Variants in CYRIA observed in about 807,000 individuals in gnomAD.
CYRIA encodes the protein CYFIP related Rac1 interactor A, also known as CYFIP-related Rac1 interactor A.
A neutral mutation model predicts 43.9 loss-of-function variants in CYRIA; 15 were observed. The observed-to-expected ratio is 0.34, with a 90% CI of 0.23 to 0.53. CYRIA has a LOEUF of 0.53. Ranked by LOEUF, CYRIA falls within the 20% of genes least tolerant of loss-of-function variation. The probability of loss-of-function intolerance (pLI) is 0.94; values close to 1 mark genes in which losing one functional copy is unlikely to be tolerated. For missense variants in CYRIA, 236 were observed against 394.2 expected, an observed-to-expected ratio of 0.60 and a Z score of 3.40; for synonymous variants, 117 against 136.0, an observed-to-expected ratio of 0.86 and a Z score of 0.97.
chr2:16,570,050 C>T (rs955259338), intron 3 of CYRIA, among the ~76,000 whole-genome samples: 5 of 151,930 alleles, frequency 3.3e-5, no homozygotes, highest in Admixed American at 6.6e-5. Context: ...AATGAATACA[C>T]GAAGAAATTG....
chr2:16,593,785 T>C (rs1218260191), intron 2 of CYRIA, among the ~76,000 whole-genome samples: 1 of 143,688 alleles, frequency 7.0e-6, no homozygotes, highest in Non-Finnish European at 1.5e-5. Context: ...TGCAGGTTAG[T>C]TACATATGTA....
intron 1 of CYRIA, among the ~76,000 whole-genome samples, chr2:16,648,130 C>T (rs1669870594): frequency 6.6e-6 from 1 of 152,168 alleles, no homozygotes; most frequent in South Asian, 2.1e-4. Flanking sequence ...TAAAGTCACA[C>T]AGCTAGTGAG....
intron 1 of CYRIA, among the ~76,000 whole-genome samples, chr2:16,654,910 C>A (rs184499831): frequency 2.7e-4 from 41 of 152,258 alleles, no homozygotes; most frequent in African/African-American, 8.7e-4. Flanking sequence ...CATTCATATA[C>A]CACAAATAGT....
At chr2:16,570,191 C>T (rs551885923) in intron 3 of CYRIA, among the ~76,000 whole-genome samples, 2 of 152,222 alleles carry the variant, frequency 1.3e-5, no homozygotes, top group African/African-American at 4.8e-5. Context: ...CAAGGTCTGG[C>T]TCTGTCACCC....
chr2:16,665,741 C>CCCGCGCCCCTG (rs978970696), intron 1 of CYRIA, 39 bp downstream of exon 1: 2 of 145,854 alleles, frequency 1.4e-5, no homozygotes, highest in Non-Finnish European at 3.0e-5. Context: ...CAGACCCCCG[C>CCCGCGCCCCTG]CCGCGCCCCT....
intron 11 of CYRIA, among the ~76,000 whole-genome samples, chr2:16,554,273 A>G (rs1353568404): frequency 2.0e-5 from 3 of 152,188 alleles, no homozygotes; most frequent in Non-Finnish European, 4.4e-5. Context: ...TGAATAAGAC[A>G]ACAGGGACCA....
intron 3 of CYRIA, among the ~76,000 whole-genome samples, chr2:16,575,353 G>A (rs1269376163): frequency 1.3e-5 from 2 of 152,134 alleles, no homozygotes; most frequent in African/African-American, 4.8e-5. Flanking sequence ...GGTAAGGCAT[G>A]ACTGATTTTG....
At chr2:16,640,313 G>A (rs1335493337) in intron 1 of CYRIA, among the ~76,000 whole-genome samples, 3 of 152,212 alleles carry the variant, frequency 2.0e-5, no homozygotes, top group Non-Finnish European at 2.9e-5. Flanking sequence ...TGGGATGCTG[G>A]GACTGGCAGC....
intron 3 of CYRIA, among the ~76,000 whole-genome samples, chr2:16,575,720 A>G (rs1667313143): frequency 1.3e-5 from 2 of 151,824 alleles, no homozygotes; most frequent in South Asian, 4.2e-4. Flanking sequence ...GCCGGGCGTG[A>G]TGGCGGGCGC....
intron 2 of CYRIA, among the ~76,000 whole-genome samples, chr2:16,592,082 A>G (rs1292099164): frequency 2.0e-5 from 3 of 152,102 alleles, no homozygotes; most frequent in Non-Finnish European, 2.9e-5. Flanking sequence ...GAGTATTCCA[A>G]TTTCAAAAAC....
chr2:16,625,956 G>A (rs1669149849), intron 1 of CYRIA, among the ~76,000 whole-genome samples: 1 of 151,994 alleles, frequency 6.6e-6, no homozygotes, highest in African/African-American at 2.4e-5. Flanking sequence ...AACCAAGAGG[G>A]TCAGTCAGGC....
At chr2:16,657,822 G>T (rs1226148203) in intron 1 of CYRIA, among the ~76,000 whole-genome samples, 1 of 152,174 alleles carries the variant, frequency 6.6e-6, no homozygotes, top group African/African-American at 2.4e-5. Context: ...TTATCTTTCT[G>T]CTGAAAACCT....
intron 1 of CYRIA, among the ~76,000 whole-genome samples, chr2:16,653,874 T>C (rs977323586): frequency 9.2e-5 from 14 of 152,256 alleles, no homozygotes; most frequent in African/African-American, 3.1e-4. Context: ...TTTTCTCTTC[T>C]GTAATACGAA....
chr2:16,632,496 G>GTA (rs1558435815), intron 1 of CYRIA, among the ~76,000 whole-genome samples: 4 of 151,876 alleles, frequency 2.6e-5, no homozygotes, highest in African/African-American at 9.7e-5. Context: ...AGCCTCAGAG[G>GTA]CAATGATATA....
chr2:16,644,856 C>T (rs1437776448), intron 1 of CYRIA, among the ~76,000 whole-genome samples: 3 of 152,092 alleles, frequency 2.0e-5, no homozygotes, highest in Non-Finnish European at 4.4e-5. Context: ...CAGCCCTGCC[C>T]CACCAACCCC....
chr2:16,590,076 AC>A (rs1667870462), intron 2 of CYRIA, among the ~76,000 whole-genome samples: 1 of 151,974 alleles, frequency 6.6e-6, no homozygotes, highest in African/African-American at 2.4e-5. Flanking sequence ...ATGCACACAC[AC>A]ACACACACAC....
chr2:16,618,362 G>C (rs1381195201), intron 2 of CYRIA, among the ~76,000 whole-genome samples: 1 of 152,194 alleles, frequency 6.6e-6, no homozygotes, highest in East Asian at 1.9e-4. Context: ...CCTGGGTGCA[G>C]CCAGGGTTTT....
At chr2:16,556,513 G>A (rs1438864549) in intron 10 of CYRIA, among the ~76,000 whole-genome samples, 2 of 152,124 alleles carry the variant, frequency 1.3e-5, no homozygotes, top group Non-Finnish European at 2.9e-5. Context: ...TGCTGTTTGG[G>A]AATCCGGAGT....
intron 2 of CYRIA, among the ~76,000 whole-genome samples, chr2:16,601,326 C>G (rs1211023927): frequency 3.9e-5 from 6 of 152,108 alleles, no homozygotes; most frequent in Admixed American, 2.6e-4. Context: ...GGGGGGGATT[C>G]TGAGTGTGAA....
Sources: allele counts gnomAD v4.1 joint callset (sites outside exome capture counted in the v4.1 genomes callset), GRCh38; gene constraint gnomAD v4.1.1; transcripts MANE v1.5; gene names NCBI Gene and HGNC (gene_info 2026-07-23, HGNC 2026-07-21).